Variants in SV2C observed in about 807,000 individuals in gnomAD.
SV2C encodes the protein solute carrier family 22 member B3.
SV2C carries 49 observed loss-of-function variants against 79.7 expected under a neutral mutation model. The observed-to-expected ratio is 0.61, with a 90% CI of 0.49 to 0.78. The LOEUF (loss-of-function observed/expected upper bound fraction) is 0.78, where lower values mean the gene tolerates loss of function less well. Ranked by LOEUF, SV2C falls within the 30% of genes least tolerant of loss-of-function variation. The pLI is 0.00. For synonymous variants in SV2C, 334 were observed against 333.2 expected (o/e 1.00, Z -0.03); for missense variants, 833 against 912.9 (o/e 0.91, Z 1.13).
the SV2C span, among the ~76,000 whole-genome samples, chr5:75,893,806 G>A: frequency 6.6e-6 from 1 of 151,984 alleles, no homozygotes; most frequent in Non-Finnish European, 1.5e-5. Context: ...ACTTTACCCT[G>A]CCATATGAAA....
intron 2 of SV2C, among the ~76,000 whole-genome samples, chr5:76,184,447 C>A (rs927884370): frequency 1.3e-5 from 2 of 152,190 alleles, no homozygotes; most frequent in Non-Finnish European, 2.9e-5. Flanking sequence ...CAGTCTATTA[C>A]CACTTGTATT....
At chr5:76,027,653 A>T in the SV2C span, among the ~76,000 whole-genome samples, 1 of 152,320 alleles carries the variant, frequency 6.6e-6, no homozygotes, top group South Asian at 2.1e-4. Context: ...TCTACTAATT[A>T]TCATATTTAT....
At chr5:76,314,522 G>T (rs1863919) in intron 12 of SV2C, among the ~76,000 whole-genome samples, 14,077 of 152,202 alleles carry the variant, frequency 0.092, 709 homozygotes, top group Admixed American at 0.14. Flanking sequence ...TGGATAATTT[G>T]GAAAAGGCCT....
the SV2C span, among the ~76,000 whole-genome samples, chr5:75,896,828 G>C: frequency 0.062 from 9,141 of 148,432 alleles, 349 homozygotes; most frequent in Admixed American, 0.083. Flanking sequence ...GTGATGATGA[G>C]CATTTTTTCA....
At chr5:76,007,346 T>G in the SV2C span, among the ~76,000 whole-genome samples, 4 of 152,056 alleles carry the variant, frequency 2.6e-5, no homozygotes, top group African/African-American at 9.7e-5. Flanking sequence ...GCAAACAGAC[T>G]TCGCTTGAAC....
the SV2C span, chr5:75,910,392 T>A: frequency 5.7e-5 from 33 of 582,766 alleles, no homozygotes; most frequent in Non-Finnish European, 1.1e-4. Context: ...TCCCACTCAC[T>A]GCTGTAGATT....
At chr5:75,898,588 G>A in the SV2C span, among the ~76,000 whole-genome samples, 23 of 152,300 alleles carry the variant, frequency 1.5e-4, no homozygotes, top group African/African-American at 4.8e-4. Context: ...CTCATAAAAT[G>A]AGTTAGGGAG....
At chr5:76,346,800 T>A (rs926856239) in intron 12 of SV2C, among the ~76,000 whole-genome samples, 3 of 152,206 alleles carry the variant, frequency 2.0e-5, no homozygotes, top group African/African-American at 7.2e-5. Context: ...AGGCCCTCAG[T>A]GATCTGGCCC....
chr5:75,895,800 T>C, the SV2C span, among the ~76,000 whole-genome samples: 1 of 152,138 alleles, frequency 6.6e-6, no homozygotes, highest in Non-Finnish European at 1.5e-5. Context: ...TTGGGGGCTC[T>C]GTCTTGACTC....
chr5:76,147,113 C>T (rs551766865), intron 2 of SV2C, among the ~76,000 whole-genome samples: 8 of 152,090 alleles, frequency 5.3e-5, no homozygotes, highest in African/African-American at 1.9e-4. Flanking sequence ...GTGGTGATGA[C>T]GAAGTTTTGG....
intron 1 of SV2C, among the ~76,000 whole-genome samples, chr5:76,098,523 G>C (rs774829572): frequency 6.6e-6 from 1 of 152,172 alleles, no homozygotes; most frequent in Non-Finnish European, 1.5e-5. Context: ...TGTTGTCGGG[G>C]CAAAGCTATC....
the SV2C span, among the ~76,000 whole-genome samples, chr5:75,942,525 A>G: frequency 6.6e-6 from 1 of 152,226 alleles, no homozygotes; most frequent in African/African-American, 2.4e-5. Context: ...AGTTCTATCA[A>G]TCAGCCTAGG....
chr5:76,335,414 C>CTTTTTTTT (rs869230352), downstream of SV2C, among the ~76,000 whole-genome samples: 18 of 98,122 alleles, frequency 1.8e-4, no homozygotes, highest in African/African-American at 6.6e-4. Context: ...ACACATTTTC[C>CTTTTTTTT]TTTTTTTTTT....
At chr5:76,033,780 T>C in the SV2C span, among the ~76,000 whole-genome samples, 3 of 152,148 alleles carry the variant, frequency 2.0e-5, no homozygotes, top group African/African-American at 7.2e-5. Flanking sequence ...TCCAATTCTG[T>C]GAAGAAAGTC....
chr5:76,034,511 T>G, the SV2C span, among the ~76,000 whole-genome samples: 95 of 152,312 alleles, frequency 6.2e-4, no homozygotes, highest in African/African-American at 2.1e-3. Context: ...GATAATCATG[T>G]GGTTTTTGTC....
chr5:76,030,954 AT>A, the SV2C span, among the ~76,000 whole-genome samples: 1 of 152,154 alleles, frequency 6.6e-6, no homozygotes, highest in Non-Finnish European at 1.5e-5. Flanking sequence ...TATTTCAACA[AT>A]TTTTTTCTGT....
chr5:76,213,831 T>C (rs1276498033), intron 4 of SV2C, among the ~76,000 whole-genome samples: 2 of 152,180 alleles, frequency 1.3e-5, no homozygotes, highest in Non-Finnish European at 2.9e-5. Context: ...GAACTTATCA[T>C]CTTATAACCA....
At chr5:76,284,031 A>T (rs1747272728) in intron 4 of SV2C, among the ~76,000 whole-genome samples, 1 of 152,222 alleles carries the variant, frequency 6.6e-6, no homozygotes, top group South Asian at 2.1e-4. Flanking sequence ...CATTGCTATA[A>T]ATTAAAATTT....
Position 76,329,700 on chromosome 5 carries a change from A to C in SV2C, c.*4153A>C, listed in dbSNP as rs1749117528. ...CCCTCTGCCAATCAAAATAGATAGAATATGATATTCTCCAATTTTTTTTCT... is the reference window on the plus strand; with the variant it reads ...CCCTCTGCCAATCAAAATAGATAGACTATGATATTCTCCAATTTTTTTTCT... On this transcript the variant is annotated 3_prime_UTR_variant, in exon 13 of 13. Transcript: ENST00000502798. The C allele has an allele frequency of 6.6e-6, 1 of 151,766 alleles. No individual in the cohort carries two copies. Among genetic ancestry groups the C allele is most frequent in the Non-Finnish European group, 1.5e-5 (1 of 67,904 alleles). 9.4% of individuals were successfully genotyped at this position (151,766 alleles called of 1,614,324 possible).
Sources: gnomAD v4.1 joint callset for allele counts (sites outside exome capture counted in the v4.1 genomes callset) on GRCh38, gnomAD v4.1.1 for gene constraint, MANE v1.5 for transcripts, NCBI Gene and HGNC (gene_info 2026-07-23, HGNC 2026-07-21) for gene names.